The following CAMK1G variants were observed in gnomAD, a reference collection of about 807,000 sequenced individuals.
CAMK1G encodes the protein calcium/calmodulin dependent protein kinase IG, also known as calcium/calmodulin-dependent protein kinase type 1G.
A neutral mutation model predicts 54.8 loss-of-function variants in CAMK1G; 27 were observed. The observed-to-expected ratio is 0.49, with a 90% confidence interval of 0.36 to 0.68. The LOEUF (loss-of-function observed/expected upper bound fraction) is 0.68, where lower values mean the gene tolerates loss of function less well. CAMK1G is among the 30% of genes least tolerant of loss of function. The pLI, the probability that CAMK1G is intolerant of heterozygous loss-of-function variation, is 0.00. For synonymous variants in CAMK1G, 238 were observed against 224.9 expected (o/e 1.06, Z -0.52); for missense variants, 512 against 591.0 (o/e 0.87, Z 1.39).
intron 1 of CAMK1G, among the ~76,000 whole-genome samples, chr1:209,592,164 G>C (rs1449221805): frequency 6.6e-6 from 1 of 151,906 alleles, no homozygotes; most frequent in Non-Finnish European, 1.5e-5. Context: ...CTGGGCAACA[G>C]AGTAAGACCC....
At chr1:209,612,705 A>G (rs1226885795) in intron 11 of CAMK1G, 80 bp from the exon 12 acceptor site, 1 of 1,168,538 alleles carries the variant, frequency 8.6e-7, no homozygotes, top group African/African-American at 1.5e-5. Context: ...ACAGGCACAG[A>G]GAACTACCAC....
rs1427607438 is a variant in CAMK1G at position 209,611,825 on chromosome 1, A to T, written c.949A>T (p.Met317Leu). 2 of 1,614,164 alleles carry T rather than the reference A, an allele frequency of 1.2e-6. No homozygotes were observed. The highest frequency in any genetic ancestry group is 4.5e-5 in the East Asian group (2 of 44,886). The change falls in exon 11 of 13, where the codon ATG (methionine) becomes TTG (leucine). Residue 317 changes from methionine (M) to leucine (L), a missense_variant. This residue lies in a region of CAMK1G where 315 missense variants were observed against 330.5 expected (regional missense o/e 0.95). Transcript: ENST00000361322. Reference sequence around the variant, plus strand: ...CAACGCAGCAGCTGTGGTGCACCACATGAGGAAGCTACACATGAACCTGCA... The same window carrying T: ...CAACGCAGCAGCTGTGGTGCACCACTTGAGGAAGCTACACATGAACCTGCA... ...AFNAAAVVHHMRKLHMNLHSP... is the reference protein window; with the variant it reads ...AFNAAAVVHHLRKLHMNLHSP...
chr1:209,593,389 G>T (rs1665304799), intron 1 of CAMK1G, among the ~76,000 whole-genome samples: 1 of 152,212 alleles, frequency 6.6e-6, no homozygotes, highest in African/African-American at 2.4e-5. Flanking sequence ...GGTTCAAGGA[G>T]TATGAGGGAG....
intron 1 of CAMK1G, among the ~76,000 whole-genome samples, chr1:209,585,360 T>C (rs1022331228): frequency 6.6e-6 from 1 of 152,142 alleles, no homozygotes; most frequent in South Asian, 2.1e-4. Flanking sequence ...GACGTTAGGA[T>C]TGCATTACAG....
intron 4 of CAMK1G, among the ~76,000 whole-genome samples, chr1:209,604,129 C>T (rs1411653473): frequency 6.6e-6 from 1 of 152,206 alleles, no homozygotes; most frequent in Non-Finnish European, 1.5e-5. Context: ...TGGTTTTTGG[C>T]TGATGGGCTG....
chr1:209,612,053 G>T lies in CAMK1G; in HGVS notation c.1177G>T (p.Val393Phe). The T allele has an allele frequency of 6.2e-7, 1 of 1,614,224 alleles. No homozygotes were observed. Among genetic ancestry groups the T allele is most frequent in the African/African-American group, 1.3e-5 (1 of 75,070 alleles). ...TGGTGGCAGGTCCCTCAACTGCCTG[G>T]TCAATGGCTCCCTCCACATCAGCAG... ...APGGRSLNCL[V>F]NGSLHISSSL... The change falls in exon 11 of 13, where the codon GTC becomes TTC. Residue 393 changes from valine (V) to phenylalanine (F), a missense_variant. Val to Phe is a conservative substitution (Grantham distance 50, BLOSUM62 -1). This residue lies in a region of CAMK1G where 315 missense variants were observed against 330.5 expected (regional missense o/e 0.95). Transcript: ENST00000361322.
chr1:209,589,370 T>G (rs1454834395), intron 1 of CAMK1G, among the ~76,000 whole-genome samples: 5 of 152,202 alleles, frequency 3.3e-5, no homozygotes, highest in Non-Finnish European at 7.3e-5. Context: ...TGGCCTTCTA[T>G]GGCCATTCCA....
At chr1:209,608,094 C>CACAT (rs1395761276) in intron 7 of CAMK1G, among the ~76,000 whole-genome samples, 161 bp downstream of exon 7, 2 of 142,858 alleles carry the variant, frequency 1.4e-5, no homozygotes, top group African/African-American at 2.6e-5. Context: ...CACACACACA[C>CACAT]ACATACATGT....
chr1:209,602,782 A>G (rs1665560811), intron 3 of CAMK1G, among the ~76,000 whole-genome samples: 1 of 151,964 alleles, frequency 6.6e-6, no homozygotes, highest in Admixed American at 6.6e-5. Flanking sequence ...TATTCCAAAA[A>G]CTCTTCTAGT....
rs537417759 is a variant in CAMK1G at position 209,613,161 on chromosome 1, C to T, written c.*159C>T. The T allele has an allele frequency of 1.0e-4, 35 of 334,156 alleles. No individual in the cohort carries two copies. The highest frequency in any genetic ancestry group is 9.3e-4 in the Middle Eastern group (1 of 1,074). 20.7% of individuals were successfully genotyped at this position (334,156 alleles called of 1,614,324 possible). A position where few individuals can be genotyped will look rare whatever the true frequency, so the allele number is the denominator to read the frequency against. On this transcript the variant is annotated 3_prime_UTR_variant, in exon 13 of 13. Coordinates refer to ENST00000361322, the MANE Select transcript of CAMK1G (RefSeq NM_020439.3). The stretch of plus-strand genomic sequence containing the variant: ...TCTGGCCAGAAGCACCAGCCTGCTG[C>T]CAGCGGGGCAGCCCCTCATAGGAGG...
intron 7 of CAMK1G, 121 bp from the exon 8 acceptor site, chr1:209,608,859 C>T: frequency 1.4e-6 from 2 of 1,399,242 alleles, no homozygotes; most frequent in South Asian, 1.4e-5. Flanking sequence ...CCTGGTCACA[C>T]CACTGTTCTG....
intron 6 of CAMK1G, 99 bp from the exon 7 acceptor site, chr1:209,607,759 G>C: frequency 1.1e-6 from 1 of 923,276 alleles, no homozygotes; most frequent in Non-Finnish European, 1.7e-6. Flanking sequence ...CCATCCCACA[G>C]TCTTCCCCAG....
chr1:209,601,129 G>A (rs1021658337), intron 3 of CAMK1G, among the ~76,000 whole-genome samples: 2 of 152,192 alleles, frequency 1.3e-5, no homozygotes, highest in African/African-American at 2.4e-5. Context: ...ACATGTTGGA[G>A]CTATCCCTCT....
intron 1 of CAMK1G, among the ~76,000 whole-genome samples, chr1:209,590,164 T>G (rs1443873126): frequency 6.6e-6 from 1 of 152,188 alleles, no homozygotes; most frequent in Non-Finnish European, 1.5e-5. Context: ...AGCTTCAAGC[T>G]CCTTAGAATT....
intron 1 of CAMK1G, among the ~76,000 whole-genome samples, chr1:209,592,144 C>T (rs1277867077): frequency 2.0e-5 from 3 of 151,800 alleles, no homozygotes; most frequent in Non-Finnish European, 4.4e-5. Context: ...CCCAGGAGTT[C>T]GAGACCAGCC....
Position 209,612,190 on chromosome 1 carries a change from A to G in CAMK1G, c.1314A>G (p.Thr438=), listed in dbSNP as rs1324510575. ...AGTCCTCCTACTGCTCTGAGCCCAC[A>G]CTCCTCAAAAAGGCCAACAAAAAAC... ...KGKSSYCSEP[T]LLKKANKKQN... Residue 438 remains threonine, a synonymous_variant, in exon 11 of 13, where the codon ACA becomes ACG. Coordinates refer to ENST00000361322, the MANE Select transcript of CAMK1G (RefSeq NM_020439.3). The G allele has an allele frequency of 6.2e-7, 1 of 1,613,802 alleles. No individual in the cohort carries two copies.
chr1:209,607,993 C>A, intron 7 of CAMK1G, 60 bp downstream of exon 7: 1 of 1,335,912 alleles, frequency 7.5e-7, no homozygotes, highest in Non-Finnish European at 1.1e-6. Flanking sequence ...CTTACCCCTT[C>A]TCGTTCCCTC....
At chr1:209,601,473 A>T (rs1665525268) in intron 3 of CAMK1G, among the ~76,000 whole-genome samples, 1 of 152,212 alleles carries the variant, frequency 6.6e-6, no homozygotes, top group South Asian at 2.1e-4. Context: ...CATACTGAAT[A>T]TGAGTATCCA....
chr1:209,592,884 A>G (rs1234817688), intron 1 of CAMK1G, among the ~76,000 whole-genome samples: 1 of 152,152 alleles, frequency 6.6e-6, no homozygotes, highest in East Asian at 1.9e-4. Context: ...CATGAAACCT[A>G]TTTTACCACG....
Sources: gnomAD v4.1 joint callset for allele counts (sites outside exome capture counted in the v4.1 genomes callset) on GRCh38, gnomAD v4.1.1 for gene constraint, gnomAD v4.1.1 regional missense constraint, MANE v1.5 for transcripts, NCBI Gene and HGNC (gene_info 2026-07-23, HGNC 2026-07-21) for gene names.